The following ITGA1 variants were observed in gnomAD, a reference collection of about 807,000 sequenced individuals.
ITGA1 encodes the protein integrin alpha-1.
A neutral mutation model predicts 145.9 loss-of-function variants in ITGA1; 85 were observed. The ratio of observed to expected loss-of-function variants is 0.58; its 90% CI spans 0.49 to 0.70. ITGA1 has a LOEUF of 0.70. ITGA1 is among the 30% of genes least tolerant of loss of function. The pLI is 0.00. For missense variants in ITGA1, 1,351 were observed against 1,418.7 expected (o/e 0.95, Z 0.77); for synonymous variants, 520 against 495.3 (o/e 1.05, Z -0.66).
At chr5:52,867,047 T>G (rs1474201419) in intron 6 of ITGA1, 5 of 151,852 alleles carry the variant, frequency 3.3e-5, no homozygotes, top group Admixed American at 2.6e-4. Context: ...GGACTTTACT[T>G]TGGGAGAAGT....
chr5:52,812,573 A>G (rs11959933), intron 1 of ITGA1, among the ~76,000 whole-genome samples: 40,169 of 152,034 alleles, frequency 0.26, 5,583 homozygotes, highest in Non-Finnish European at 0.3. Context: ...TCTGGACTAG[A>G]AAATCTTGGA....
chr5:52,837,596 GT>G (rs1161260857), intron 1 of ITGA1, among the ~76,000 whole-genome samples: 1 of 152,040 alleles, frequency 6.6e-6, no homozygotes, highest in Non-Finnish European at 1.5e-5. Flanking sequence ...AGTCACTAGT[GT>G]TGTGATTCTA....
intron 2 of ITGA1, 75 bp downstream of exon 2, chr5:52,849,560 C>A (rs1749397334): frequency 1.6e-6 from 2 of 1,249,856 alleles, no homozygotes; most frequent in East Asian, 5.0e-5. Flanking sequence ...ACTACAGTTT[C>A]TTTTATGAAT....
At chr5:52,804,877 AG>A (rs767999288) in intron 1 of ITGA1, among the ~76,000 whole-genome samples, 10 of 152,184 alleles carry the variant, frequency 6.6e-5, no homozygotes, top group Non-Finnish European at 1.0e-4. Context: ...TAAGGGCTTG[AG>A]GAGAGATGAA....
At chr5:52,910,849 G>T (rs932203663) in intron 14 of ITGA1, among the ~76,000 whole-genome samples, 1 of 140,798 alleles carries the variant, frequency 7.1e-6, no homozygotes, top group Non-Finnish European at 1.5e-5. Flanking sequence ...TATATATAGT[G>T]TATATATACA....
intron 1 of ITGA1, among the ~76,000 whole-genome samples, chr5:52,812,128 A>T (rs1333605217): frequency 6.6e-6 from 1 of 152,234 alleles, no homozygotes; most frequent in African/African-American, 2.4e-5. Context: ...GAACATAGAC[A>T]TTCTGAAAAG....
At chr5:52,834,753 C>A (rs1749138430) in intron 1 of ITGA1, among the ~76,000 whole-genome samples, 1 of 151,826 alleles carries the variant, frequency 6.6e-6, no homozygotes, top group African/African-American at 2.4e-5. Context: ...GTATCCCTTT[C>A]TTTTATTATA....
intron 16 of ITGA1, 126 bp from the exon 17 acceptor site, chr5:52,920,206 A>C (rs949967184): frequency 2.8e-6 from 2 of 705,714 alleles, no homozygotes; most frequent in South Asian, 4.3e-5. Context: ...GGATATGCTG[A>C]ACAATAGAAT....
chr5:52,844,652 A>G (rs1462732940), intron 1 of ITGA1, among the ~76,000 whole-genome samples: 2 of 152,186 alleles, frequency 1.3e-5, no homozygotes, highest in African/African-American at 2.4e-5. Flanking sequence ...TTATAAGGGG[A>G]AAAATTACTG....
At chr5:52,890,136 A>G (rs1750122841) in intron 8 of ITGA1, among the ~76,000 whole-genome samples, 1 of 152,110 alleles carries the variant, frequency 6.6e-6, no homozygotes, top group African/African-American at 2.4e-5. Flanking sequence ...CTTTTTTGGT[A>G]ACTACATCTG....
intron 1 of ITGA1, among the ~76,000 whole-genome samples, chr5:52,790,043 T>A (rs932082799): frequency 3.9e-5 from 6 of 152,200 alleles, no homozygotes; most frequent in African/African-American, 1.2e-4. Flanking sequence ...TGCTTTCCCA[T>A]CAGTCATTAT....
chr5:52,923,882 C>T (rs1307809529), intron 18 of ITGA1, among the ~76,000 whole-genome samples: 2 of 152,186 alleles, frequency 1.3e-5, no homozygotes, highest in African/African-American at 4.8e-5. Context: ...CATCTCTGTC[C>T]TTCTTCATGG....
chr5:52,924,517 C>T (rs908355358), intron 18 of ITGA1, among the ~76,000 whole-genome samples: 14 of 152,206 alleles, frequency 9.2e-5, no homozygotes, highest in Non-Finnish European at 8.8e-5. Flanking sequence ...AGGCAGGGGC[C>T]GGGTCATTCG....
intron 1 of ITGA1, among the ~76,000 whole-genome samples, chr5:52,805,427 G>A (rs975887): frequency 0.51 from 77,368 of 151,848 alleles, 20,480 homozygotes; most frequent in African/African-American, 0.65. Context: ...ATCAAAGGCA[G>A]CAATAATGTT....
chr5:52,794,966 T>C (rs777465276), intron 1 of ITGA1, among the ~76,000 whole-genome samples: 1 of 151,984 alleles, frequency 6.6e-6, no homozygotes, highest in Non-Finnish European at 1.5e-5. Flanking sequence ...GTATTTTAAA[T>C]TACCATTTTC....
At chr5:52,899,517 C>T (rs1363911226) in intron 11 of ITGA1, among the ~76,000 whole-genome samples, 1 of 152,110 alleles carries the variant, frequency 6.6e-6, no homozygotes. Context: ...TCATAGAAAT[C>T]CTGTTACATT....
At position 52,908,913 on chromosome 5, in the gene ITGA1, G is replaced by A; in HGVS notation, c.1471G>A (p.Gly491Ser). 4 of 1,613,678 alleles carry A rather than the reference G, an allele frequency of 2.5e-6. No individual in the cohort carries two copies. The highest frequency in any genetic ancestry group is 3.4e-6 in the Non-Finnish European group (4 of 1,179,784). Residue 491 changes from glycine (G) to serine (S), a missense_variant, in exon 13 of 29, where the codon GGC (glycine) becomes AGC (serine). Physicochemically the swap from Gly to Ser is moderately conservative, Grantham distance 56. Transcript: ENST00000282588. ...TGTGTCCTAGATTGGTTCCTACTTT[G>A]GCAGTATTTTAACAACAACTGACAT... ...LSGEQIGSYF[G>S]SILTTTDIDK...
At chr5:52,945,496 C>T (rs1484764561) in intron 27 of ITGA1, among the ~76,000 whole-genome samples, 1 of 152,008 alleles carries the variant, frequency 6.6e-6, no homozygotes, top group Non-Finnish European at 1.5e-5. Context: ...AAATTTGAAA[C>T]AAAAAAGTGA....
At chr5:52,811,638 T>C (rs770894762) in intron 1 of ITGA1, among the ~76,000 whole-genome samples, 3 of 152,156 alleles carry the variant, frequency 2.0e-5, no homozygotes, top group Admixed American at 2.0e-4. Context: ...GAATATAGGG[T>C]GGTAGGACAA....
Sources: allele counts gnomAD v4.1 joint callset (sites outside exome capture counted in the v4.1 genomes callset), GRCh38; gene constraint gnomAD v4.1.1; transcripts MANE v1.5; gene names NCBI Gene and HGNC (gene_info 2026-07-23, HGNC 2026-07-21).